The following HSPA4 variants were observed in gnomAD, a reference collection of about 807,000 sequenced individuals.
The protein encoded by HSPA4 is heat shock 70 kDa protein 4.
HSPA4 carries 25 observed loss-of-function variants against 106.2 expected under a neutral mutation model. The observed-to-expected ratio is 0.24, with a 90% CI of 0.17 to 0.33. HSPA4 has a LOEUF of 0.33. Ranked by LOEUF, HSPA4 falls within the 10% of genes least tolerant of loss-of-function variation. The pLI is 1.00. For synonymous variants in HSPA4, 332 were observed against 333.6 expected, an observed-to-expected ratio of 1.00 and a Z score of 0.05; for missense variants, 841 against 996.0, an observed-to-expected ratio of 0.84 and a Z score of 2.10.
Position 133,106,330 on chromosome 5 carries a change from T to A in HSPA4, c.*1894T>A, listed in dbSNP as rs1765863193. On this transcript the variant is annotated 3_prime_UTR_variant, in exon 19 of 19. Transcript: ENST00000304858. Reference sequence around the variant, plus strand: ...TGTACAGACAAGCATTTATCCAGGTTGCGTTATCCAAACTGATTTGTTAAA... The same window carrying A: ...TGTACAGACAAGCATTTATCCAGGTAGCGTTATCCAAACTGATTTGTTAAA... The A allele has an allele frequency of 6.6e-6, 1 of 151,752 alleles. No individual in the cohort carries two copies. Among genetic ancestry groups the A allele is most frequent in the South Asian group, 2.1e-4 (1 of 4,806 alleles). The allele number at this position is 151,752 out of a possible 1,614,324, so 9.4% of individuals were successfully genotyped here. A position where few individuals can be genotyped will look rare whatever the true frequency, so the allele number is the denominator to read the frequency against.
chr5:133,081,153 T>G (rs1224521143), intron 7 of HSPA4, among the ~76,000 whole-genome samples: 2 of 152,126 alleles, frequency 1.3e-5, no homozygotes, highest in Non-Finnish European at 2.9e-5. Context: ...GTTTAAATGA[T>G]TCTCATGCCT....
intron 3 of HSPA4, among the ~76,000 whole-genome samples, chr5:133,069,246 T>C (rs1048289915): frequency 2.0e-5 from 3 of 152,116 alleles, no homozygotes; most frequent in Middle Eastern, 3.2e-3. Context: ...TATTGTTACT[T>C]ATTTAAAATT....
In HSPA4 at chr5:133,089,811, C is replaced by T. The variant is rs762279989; in HGVS notation, c.1378+116C>T. On this transcript the variant is annotated intron_variant, in intron 11 of 18. Transcript: ENST00000304858. ...GGAGGATCACTTGAGCTGAGGAGTT[C>T]GAGATCAGCCTGGGCAACATAGTGG... The T allele has an allele frequency of 4.0e-4, 286 of 717,994 alleles. No homozygotes were observed. The Middle Eastern group carries it at 0.015, about 38-fold the overall frequency. 44.5% of individuals were successfully genotyped at this position (717,994 alleles called of 1,614,324 possible).
intron 1 of HSPA4, among the ~76,000 whole-genome samples, chr5:133,054,535 A>G (rs1378849760): frequency 6.6e-6 from 1 of 152,176 alleles, no homozygotes; most frequent in Non-Finnish European, 1.5e-5. Flanking sequence ...CATATACTAT[A>G]CAATTTAACC....
chr5:133,086,059 G>A (rs1351653177), intron 7 of HSPA4, among the ~76,000 whole-genome samples: 6 of 152,072 alleles, frequency 3.9e-5, no homozygotes, highest in Non-Finnish European at 5.9e-5. Context: ...ATAAAAGAAA[G>A]AGACATGGTT....
chr5:133,099,598 G>A lies in HSPA4; in HGVS notation c.1983G>A (p.Glu661=), dbSNP rs1765760286. 6.2e-7 allele frequency: 1 copy of A among 1,606,774 alleles called. No individual in the cohort carries two copies. The highest frequency in any genetic ancestry group is 1.3e-5 in the African/African-American group (1 of 74,838). The change falls in exon 16 of 19, where the codon GAG becomes GAA. Residue 661 remains glutamate (E), a synonymous_variant. Coordinates refer to ENST00000304858, the MANE Select transcript of HSPA4 (RefSeq NM_002154.4). ...KLEDTENWLY[E]DGEDQPKQVY... is the part of the protein sequence containing the mutation. Reference sequence around the variant, plus strand: ...AAGATACTGAAAATTGGTTGTATGAGGATGGAGAAGACCAGCCAAAGCAAG... The same window carrying A: ...AAGATACTGAAAATTGGTTGTATGAAGATGGAGAAGACCAGCCAAAGCAAG...
intron 1 of HSPA4, among the ~76,000 whole-genome samples, chr5:133,063,309 G>A (rs1050360322): frequency 6.7e-6 from 1 of 149,332 alleles, no homozygotes; most frequent in Non-Finnish European, 1.5e-5. Context: ...TATAGAGACA[G>A]GGTTTCGCCA....
intron 10 of HSPA4, 58 bp from the exon 11 acceptor site, chr5:133,089,504 T>C: frequency 6.6e-7 from 1 of 1,506,718 alleles, no homozygotes; most frequent in Non-Finnish European, 9.1e-7. Flanking sequence ...CTAGAACACA[T>C]GGGTAAAAGT....
chr5:133,057,524 A>G (rs1177321116), intron 1 of HSPA4, among the ~76,000 whole-genome samples: 1 of 152,184 alleles, frequency 6.6e-6, no homozygotes, highest in African/African-American at 2.4e-5. Context: ...GCGCCTAGCT[A>G]TGCATACACT....
intron 1 of HSPA4, among the ~76,000 whole-genome samples, chr5:133,054,884 C>T (rs1272892883): frequency 6.6e-6 from 1 of 152,152 alleles, no homozygotes; most frequent in Non-Finnish European, 1.5e-5. Flanking sequence ...CCTTTCCTGC[C>T]CTGTGATTGA....
At chr5:133,077,966 G>T (rs913478468) in intron 7 of HSPA4, among the ~76,000 whole-genome samples, 8 of 152,184 alleles carry the variant, frequency 5.3e-5, no homozygotes, top group Admixed American at 4.6e-4. Flanking sequence ...TTACGTGTTT[G>T]TAAGAGCTAA....
intron 7 of HSPA4, among the ~76,000 whole-genome samples, chr5:133,082,618 G>A (rs924544419): frequency 1.3e-5 from 2 of 151,792 alleles, no homozygotes; most frequent in Non-Finnish European, 2.9e-5. Context: ...GGTGTTCACC[G>A]ACATATCTGG....
chr5:133,103,811 G>T, intron 17 of HSPA4, 54 bp from the exon 18 acceptor site: 2 of 1,453,542 alleles, frequency 1.4e-6, no homozygotes, highest in Non-Finnish European at 1.9e-6. Flanking sequence ...CAGTAGTTGC[G>T]GGGAGGGAGG....
intron 8 of HSPA4, 118 bp downstream of exon 8, chr5:133,086,976 G>A: frequency 1.4e-6 from 1 of 719,096 alleles, no homozygotes; most frequent in Non-Finnish European, 2.3e-6. Flanking sequence ...TAATTCAGTG[G>A]TATATATTAA....
intron 1 of HSPA4, among the ~76,000 whole-genome samples, chr5:133,054,544 C>T (rs769150809): frequency 9.9e-5 from 15 of 152,118 alleles, no homozygotes; most frequent in Non-Finnish European, 1.8e-4. Flanking sequence ...TACAATTTAA[C>T]CAGATGAAGT....
rs1423703046 is a variant in HSPA4, at chr5:133,052,209, G to A, written c.-42G>A. ...CCGCCGGGGGTCCGTGTCCTGTCTCGGTGGCCGGACCCGGGCCCGAGCCCG... is the reference window on the plus strand; with the variant it reads ...CCGCCGGGGGTCCGTGTCCTGTCTCAGTGGCCGGACCCGGGCCCGAGCCCG... On this transcript the variant is annotated 5_prime_UTR_variant, in exon 1 of 19. Transcript: ENST00000304858. 10 of 1,399,842 alleles carry A rather than the reference G, an allele frequency of 7.1e-6. No individual in the cohort carries two copies. Among genetic ancestry groups the A allele is most frequent in the Non-Finnish European group, 8.8e-6 (9 of 1,019,728 alleles). The allele number at this position is 1,399,842 out of a possible 1,614,324, so 86.7% of individuals were successfully genotyped here.
chr5:133,101,980 A>G (rs1053912207), intron 17 of HSPA4, 102 bp downstream of exon 17: 74 of 797,098 alleles, frequency 9.3e-5, no homozygotes, highest in Admixed American at 7.2e-5. Flanking sequence ...AGGCTGGAGT[A>G]CAGTGGTACA....
chr5:133,104,558 C>T lies in HSPA4; in HGVS notation c.*122C>T, dbSNP rs1017672216. ...TCTTAGTCAGTTTTTAGGGGATTTT[C>T]GGGGAGGGGAAATAGGTAATGTATG... On this transcript the variant is annotated 3_prime_UTR_variant, in exon 19 of 19. Transcript: ENST00000304858. The T allele has an allele frequency of 5.6e-5, 47 of 832,556 alleles. No homozygotes were observed. The highest frequency in any genetic ancestry group is 8.5e-5 in the Non-Finnish European group (45 of 529,706). 51.6% of individuals were successfully genotyped at this position (832,556 alleles called of 1,614,324 possible).
At chr5:133,077,646 CT>C (rs60893392) in intron 7 of HSPA4, among the ~76,000 whole-genome samples, 38,978 of 152,004 alleles carry the variant, frequency 0.26, 5,210 homozygotes, top group African/African-American at 0.3. Flanking sequence ...TCCTCAGAAA[CT>C]ACCCAGAGTG....
Sources: allele counts gnomAD v4.1 joint callset (sites outside exome capture counted in the v4.1 genomes callset), GRCh38; gene constraint gnomAD v4.1.1; transcripts MANE v1.5; gene names NCBI Gene and HGNC (gene_info 2026-07-23, HGNC 2026-07-21).